Variants in DMD observed in about 807,000 individuals in gnomAD.
The protein encoded by DMD is mutant dystrophin.
A neutral mutation model predicts 330.1 loss-of-function variants in DMD; 63 were observed. That is an observed-to-expected ratio of 0.19 (90% CI 0.16 to 0.24). The LOEUF is 0.24. Ranked by LOEUF, DMD falls within the 10% of genes least tolerant of loss-of-function variation. The pLI is 1.00. For missense variants in DMD, 3,344 were observed against 2,684.1 expected (o/e 1.25, Z -5.43); for synonymous variants, 1,223 against 959.8 (o/e 1.27, Z -5.07).
At chrX:32,372,271 T>A (rs1292009360) in intron 34 of DMD, among the ~76,000 whole-genome samples, 1 of 112,177 alleles carries the variant, frequency 8.9e-6, no homozygotes, top group African/African-American at 3.2e-5. Context: ...GTATGTCCTA[T>A]GTGTCAGGCA....
At chrX:32,403,140 C>T (rs374654273) in intron 30 of DMD, among the ~76,000 whole-genome samples, 14 of 111,624 alleles carry the variant, frequency 1.3e-4, no homozygotes, top group African/African-American at 3.9e-4. Context: ...TCACGATAAA[C>T]GCTGAAAGAA....
rs192070172 is a variant in DMD at position 32,546,647 on chromosome X, G to A, written c.1993-1313C>T. Among the ~76,000 whole-genome samples the A allele has an allele frequency of 1.8e-3, 206 of 111,642 alleles. 1 individual carries two copies. The highest frequency in any genetic ancestry group is 6.6e-3 in the African/African-American group (203 of 30,807). Reference sequence around the variant, plus strand: ...GTTAAAGACATATCTTTACCTATGTGAGGGACTGAAGGATTTCCATTTTGG... The same window carrying A: ...GTTAAAGACATATCTTTACCTATGTAAGGGACTGAAGGATTTCCATTTTGG... On this transcript the variant is annotated intron_variant, in intron 16 of 78. Transcript: ENST00000357033.
chrX:32,551,609 T>C (rs746995595), intron 16 of DMD, among the ~76,000 whole-genome samples: 4 of 111,477 alleles, frequency 3.6e-5, no homozygotes, highest in Non-Finnish European at 7.5e-5. Context: ...ACAAATCTCA[T>C]TGAACATAGT....
chrX:32,770,865 G>C (rs960345494), intron 7 of DMD, among the ~76,000 whole-genome samples: 17 of 112,288 alleles, frequency 1.5e-4, no homozygotes, highest in African/African-American at 3.9e-4. Context: ...GCAAGGTAAA[G>C]AGAGGGAACA....
intron 4 of DMD, among the ~76,000 whole-genome samples, chrX:32,844,418 A>G (rs1206155014): frequency 1.9e-5 from 1 of 52,273 alleles, no homozygotes; most frequent in Admixed American, 2.2e-4. Flanking sequence ...AAAAAAAAAA[A>G]AAAGAAAAGA....
chrX:32,080,191 G>T (rs187925741), intron 44 of DMD, among the ~76,000 whole-genome samples: 1 of 112,246 alleles, frequency 8.9e-6, no homozygotes, highest in African/African-American at 3.2e-5. Flanking sequence ...GTAATGCCAA[G>T]TATGACTTGT....
chrX:32,516,715 T>A (rs2045895627), intron 18 of DMD: 1 of 111,689 alleles, frequency 9.0e-6, no homozygotes, highest in African/African-American at 3.2e-5. Flanking sequence ...TGTTCTCTAA[T>A]TAATTTTCTA....
At position 33,182,750 on chromosome X, in the gene DMD, T is replaced by G. The variant is rs187649148; in HGVS notation, c.31+28532A>C. 4.5e-3 allele frequency among the ~76,000 whole-genome samples: 506 copies of G among 112,643 alleles called. 4 individuals carry two copies. The highest frequency in any genetic ancestry group is 0.015 in the African/African-American group (478 of 31,057). On this transcript the variant is annotated intron_variant, in intron 1 of 78. Transcript: ENST00000357033. ...TCTACCCTAGTATATTTACAAGATA[T>G]GACAATTCACTAACATTTACATTTT...
At chrX:32,478,486 C>A (rs1484958754) in intron 21 of DMD, among the ~76,000 whole-genome samples, 1 of 111,565 alleles carries the variant, frequency 9.0e-6, no homozygotes, top group Non-Finnish European at 1.9e-5. Flanking sequence ...TGAACACTGA[C>A]AAAGGTGTCA....
intron 62 of DMD, among the ~76,000 whole-genome samples, chrX:31,303,240 T>C (rs2054786511): frequency 8.9e-6 from 1 of 111,771 alleles, no homozygotes; most frequent in African/African-American, 3.2e-5. Context: ...TTCACACTCA[T>C]GGTTTCAGTT....
At chrX:31,756,129 G>A (rs912515335) in intron 51 of DMD, among the ~76,000 whole-genome samples, 6 of 110,545 alleles carry the variant, frequency 5.4e-5, no homozygotes, top group African/African-American at 9.9e-5. Flanking sequence ...ACGAGACTGC[G>A]GTGAGATCAT....
At chrX:32,498,159 C>T (rs776154730) in intron 19 of DMD, among the ~76,000 whole-genome samples, 2 of 110,976 alleles carry the variant, frequency 1.8e-5, no homozygotes, top group East Asian at 2.8e-4. Flanking sequence ...TAACAGTTTC[C>T]TGAGACCAGG....
At chrX:32,672,476 T>C (rs2061691510) in intron 9 of DMD, among the ~76,000 whole-genome samples, 1 of 111,238 alleles carries the variant, frequency 9.0e-6, no homozygotes, top group Non-Finnish European at 1.9e-5. Flanking sequence ...CATAAAATAA[T>C]TTCCAAACTA....
chrX:32,829,494 T>C (rs1457631812), intron 4 of DMD, among the ~76,000 whole-genome samples: 1 of 111,918 alleles, frequency 8.9e-6, no homozygotes, highest in Non-Finnish European at 1.9e-5. Flanking sequence ...CTAGTTTTTA[T>C]TCTAAGTTTT....
chrX:32,496,953 A>T (rs1569564879), intron 19 of DMD, among the ~76,000 whole-genome samples: 1 of 112,267 alleles, frequency 8.9e-6, no homozygotes, highest in African/African-American at 3.2e-5. Context: ...CAAGTGGTAC[A>T]GTCTCCATGC....
chrX:31,185,074 C>A (rs1479469477), intron 67 of DMD, among the ~76,000 whole-genome samples: 1 of 107,034 alleles, frequency 9.3e-6, no homozygotes, highest in Non-Finnish European at 1.9e-5. Flanking sequence ...TGTAACTAAC[C>A]TGCACATTGT....
At chrX:31,721,001 G>A (rs184463218) in intron 52 of DMD, among the ~76,000 whole-genome samples, 94 of 111,177 alleles carry the variant, frequency 8.5e-4, no homozygotes, top group Non-Finnish European at 1.5e-3. Flanking sequence ...TTAACACAAC[G>A]TATAGGAAGA....
At chrX:32,951,224 G>C (rs1375851579) in intron 2 of DMD, among the ~76,000 whole-genome samples, 2 of 111,701 alleles carry the variant, frequency 1.8e-5, no homozygotes, top group Non-Finnish European at 3.8e-5. Flanking sequence ...CAAACCAGCA[G>C]CCTTCCTTCA....
chrX:32,171,409 C>T (rs763499063), intron 44 of DMD, among the ~76,000 whole-genome samples: 5 of 111,508 alleles, frequency 4.5e-5, no homozygotes, highest in African/African-American at 1.3e-4. Flanking sequence ...CTCAGCAATA[C>T]GTAAAGATAT....
Sources: gnomAD v4.1 joint callset for allele counts (sites outside exome capture counted in the v4.1 genomes callset) on GRCh38, gnomAD v4.1.1 for gene constraint, MANE v1.5 for transcripts, NCBI Gene and HGNC (gene_info 2026-07-23, HGNC 2026-07-21) for gene names.